The following CLSTN2 variants were observed in gnomAD, a reference collection of about 807,000 sequenced individuals.
The protein encoded by CLSTN2 is calsyntenin-2.
CLSTN2 carries 48 observed loss-of-function variants against 101.2 expected under a neutral mutation model. The observed-to-expected ratio is 0.47, with a 90% CI of 0.38 to 0.60. The LOEUF is 0.60. Among genes scored for constraint, CLSTN2 ranks in the 20% least tolerant of loss-of-function variants. The pLI, the probability that CLSTN2 is intolerant of heterozygous loss-of-function variation, is 0.00. For synonymous variants in CLSTN2, 481 were observed against 463.6 expected (o/e 1.04, Z -0.48); for missense variants, 1,160 against 1,238.2 (o/e 0.94, Z 0.95).
chr3:140,537,096 G>T (rs1011976978), intron 9 of CLSTN2, among the ~76,000 whole-genome samples: 1 of 152,160 alleles, frequency 6.6e-6, no homozygotes, highest in African/African-American at 2.4e-5. Flanking sequence ...TAATCTCTCT[G>T]TGTGAACCTT....
At chr3:140,319,883 C>T (rs2087265120) in intron 2 of CLSTN2, among the ~76,000 whole-genome samples, 1 of 152,260 alleles carries the variant, frequency 6.6e-6, no homozygotes, top group Non-Finnish European at 1.5e-5. Flanking sequence ...TCAGTCACCT[C>T]CCCTCAGAGA....
intron 10 of CLSTN2, among the ~76,000 whole-genome samples, chr3:140,551,058 G>T (rs528453041): frequency 9.2e-5 from 14 of 152,102 alleles, no homozygotes; most frequent in Non-Finnish European, 2.9e-5. Flanking sequence ...AAACTAGGGG[G>T]ACTGGGGCTC....
rs1332013116 is a variant in CLSTN2, at chr3:140,571,699, T to G, written c.*5446T>G. The G allele has an allele frequency of 6.6e-6, 1 of 152,268 alleles. No homozygotes were observed. The highest frequency in any genetic ancestry group is 1.5e-5 in the Non-Finnish European group (1 of 68,040). The allele number at this position is 152,268 out of a possible 1,614,324, so 9.4% of individuals were successfully genotyped here. On this transcript the variant is annotated 3_prime_UTR_variant, in exon 17 of 17. Transcript: ENST00000458420. Reference sequence around the variant, plus strand: ...AGTCTACCCCAGTACCCTCATTTCCTGTCTTTATTTCCTTTACTTTATAGA... The same window carrying G: ...AGTCTACCCCAGTACCCTCATTTCCGGTCTTTATTTCCTTTACTTTATAGA...
intron 5 of CLSTN2, among the ~76,000 whole-genome samples, chr3:140,430,607 T>C (rs1038186178): frequency 6.6e-6 from 1 of 152,206 alleles, no homozygotes; most frequent in Non-Finnish European, 1.5e-5. Flanking sequence ...TTTGGTTCTT[T>C]ACAGAAAAAG....
chr3:140,034,978 T>G (rs1036243951), intron 1 of CLSTN2, among the ~76,000 whole-genome samples: 3 of 152,228 alleles, frequency 2.0e-5, no homozygotes, highest in African/African-American at 7.2e-5. Flanking sequence ...AATCTTTTCT[T>G]GGGCTTTGGA....
Position 140,459,755 on chromosome 3 carries a change from A to G in CLSTN2, c.1208A>G (p.Asn403Ser). The G allele has an allele frequency of 6.2e-7, 1 of 1,613,412 alleles. No individual in the cohort carries two copies. Among genetic ancestry groups the G allele is most frequent in the Non-Finnish European group, 8.5e-7 (1 of 1,179,698 alleles). ...VRAEKETILC[N>S]SDKTEMNRHH... The stretch of plus-strand genomic sequence containing the variant: ...GCCGAGAAGGAAACCATCCTCTGCA[A>G]CTCAGACAAAACCGGTGAGTCTCTA... Residue 403 changes from asparagine to serine, a missense_variant, in exon 7 of 17, where the codon AAC (asparagine) becomes AGC (serine). Coordinates refer to ENST00000458420, the MANE Select transcript of CLSTN2 (RefSeq NM_022131.3).
At chr3:139,969,244 C>T (rs17396896) in intron 1 of CLSTN2, among the ~76,000 whole-genome samples, 4,389 of 152,278 alleles carry the variant, frequency 0.029, 80 homozygotes, top group Admixed American at 0.048. Context: ...AAGCCTCCCA[C>T]GTTGCCAGTC....
rs532780997 is a variant in CLSTN2 at position 140,073,571 on chromosome 3, A to T, written c.110-102380A>T. On this transcript the variant is annotated intron_variant, in intron 1 of 16. Coordinates refer to ENST00000458420, the MANE Select transcript of CLSTN2 (RefSeq NM_022131.3). ...TCCTCATTCATGGTGCCATGCAGAC[A>T]TCCATCCCTGTAAAGCATCTCCCAA... Among the ~76,000 whole-genome samples the T allele has an allele frequency of 1.1e-4, 17 of 152,320 alleles. No homozygotes were observed. In the South Asian group the frequency reaches 3.5e-3, roughly 32 times the overall value.
chr3:140,004,197 A>T (rs955210278), intron 1 of CLSTN2, among the ~76,000 whole-genome samples: 1 of 152,220 alleles, frequency 6.6e-6, no homozygotes, highest in Admixed American at 6.5e-5. Flanking sequence ...AATTTCTCTT[A>T]TACTAATTAA....
chr3:139,976,892 A>G (rs1295228758), intron 1 of CLSTN2, among the ~76,000 whole-genome samples: 1 of 152,180 alleles, frequency 6.6e-6, no homozygotes, highest in Non-Finnish European at 1.5e-5. Context: ...CCAAGCAATT[A>G]TACTGCCTAG....
At chr3:140,194,297 G>A (rs919125760) in intron 2 of CLSTN2, among the ~76,000 whole-genome samples, 5 of 152,104 alleles carry the variant, frequency 3.3e-5, no homozygotes, top group African/African-American at 9.7e-5. Context: ...CATGGTGGAA[G>A]GGATGAGGAA....
intron 2 of CLSTN2, among the ~76,000 whole-genome samples, chr3:140,259,589 A>G (rs967578000): frequency 3.9e-5 from 6 of 152,166 alleles, no homozygotes; most frequent in African/African-American, 1.2e-4. Flanking sequence ...TGACACACCT[A>G]TATCCTGAAA....
At chr3:140,101,336 T>C in intron 1 of CLSTN2, among the ~76,000 whole-genome samples, 1 of 152,216 alleles carries the variant, frequency 6.6e-6, no homozygotes, top group South Asian at 2.1e-4. Context: ...ATATTCATAT[T>C]GGTTATTACT....
intron 5 of CLSTN2, among the ~76,000 whole-genome samples, chr3:140,426,213 C>T (rs2088563483): frequency 6.6e-6 from 1 of 152,146 alleles, no homozygotes; most frequent in African/African-American, 2.4e-5. Flanking sequence ...TTTGATGTCC[C>T]TATCAACCCA....
chr3:140,424,818 G>T (rs926239940), intron 5 of CLSTN2, among the ~76,000 whole-genome samples: 4 of 152,128 alleles, frequency 2.6e-5, no homozygotes, highest in Middle Eastern at 3.2e-3. Context: ...AGAGCAGTTT[G>T]GCTTGCACAG....
intron 1 of CLSTN2, among the ~76,000 whole-genome samples, chr3:139,973,568 T>C (rs1935754956): frequency 6.6e-6 from 1 of 152,094 alleles, no homozygotes; most frequent in Admixed American, 6.5e-5. Context: ...AATAGGAACT[T>C]GGGGCTCTGA....
At chr3:140,046,410 T>C (rs2007881367) in intron 1 of CLSTN2, among the ~76,000 whole-genome samples, 1 of 152,258 alleles carries the variant, frequency 6.6e-6, no homozygotes, top group Non-Finnish European at 1.5e-5. Flanking sequence ...TGTGTGTCTC[T>C]GCACGTGAGA....
chr3:140,288,329 G>C (rs935107323), intron 2 of CLSTN2, among the ~76,000 whole-genome samples: 1 of 152,102 alleles, frequency 6.6e-6, no homozygotes, highest in African/African-American at 2.4e-5. Context: ...ATAAGTGTCC[G>C]CTCTGGGTTA....
rs60712286 is a variant in CLSTN2 at position 139,970,770 on chromosome 3, T to C, written c.109+35287T>C. Among the ~76,000 whole-genome samples the C allele has an allele frequency of 1.7e-3, 265 of 152,328 alleles. 1 individual carries two copies. Among genetic ancestry groups the C allele is most frequent in the African/African-American group, 5.2e-3 (218 of 41,576 alleles). ...TGAAATTGTTGTTTCCAAGGGTAAC[T>C]GTAGCCTCCTCAAGTCATAAGTCAT... On this transcript the variant is annotated intron_variant, in intron 1 of 16. Transcript: ENST00000458420.
Sources: gnomAD v4.1 joint callset for allele counts (sites outside exome capture counted in the v4.1 genomes callset) on GRCh38, gnomAD v4.1.1 for gene constraint, MANE v1.5 for transcripts, NCBI Gene and HGNC (gene_info 2026-07-23, HGNC 2026-07-21) for gene names.